Variants in RYR3 observed in about 807,000 individuals in gnomAD.
RYR3 encodes brain ryanodine receptor-calcium release channel.
A neutral mutation model predicts 584.3 loss-of-function variants in RYR3; 207 were observed. That is an observed-to-expected ratio of 0.35 (90% confidence interval 0.32 to 0.40). The LOEUF (loss-of-function observed/expected upper bound fraction) is 0.40, where lower values mean the gene tolerates loss of function less well. Among genes scored for constraint, RYR3 ranks in the 10% least tolerant of loss-of-function variants. RYR3 has a pLI of 1.00. For synonymous variants in RYR3, 2,416 were observed against 2,248.5 expected (o/e 1.07, Z -2.11); for missense variants, 5,616 against 6,089.2 (o/e 0.92, Z 2.59).
At chr15:33,380,557 A>G (rs1436151095) in intron 1 of RYR3, among the ~76,000 whole-genome samples, 1 of 152,234 alleles carries the variant, frequency 6.6e-6, no homozygotes, top group Non-Finnish European at 1.5e-5. Context: ...GGAGAGGGCT[A>G]AATATAGCAA....
At chr15:33,619,830 C>T (rs902680181) in intron 19 of RYR3, among the ~76,000 whole-genome samples, 1 of 152,132 alleles carries the variant, frequency 6.6e-6, no homozygotes, top group African/African-American at 2.4e-5. Context: ...ATAGGCATGT[C>T]TGATGGAGTC....
rs755263496 is a variant in RYR3, at chr15:33,662,583, G to A, written c.5053G>A (p.Glu1685Lys). The change falls in exon 35 of 104, where the codon GAG becomes AAG. Residue 1685 changes from glutamate (E) to lysine (K), a missense_variant. Transcript: ENST00000634891. ...TGAGGATCACCAAAAGCAGAGCCCC[G>A]AGATTCCCTTGGAGAGTCTCAGGAC... ...TGEDHQKQSPEIPLESLRTKA... is the reference protein window; with the variant it reads ...TGEDHQKQSPKIPLESLRTKA... 1.1e-5 allele frequency: 18 copies of A among 1,613,916 alleles called. No individual in the cohort carries two copies. Among genetic ancestry groups the A allele is most frequent in the East Asian group, 2.2e-5 (1 of 44,900 alleles).
At position 33,728,871 on chromosome 15, in the gene RYR3, G is replaced by A; in HGVS notation, c.7048G>A (p.Glu2350Lys). The stretch of plus-strand genomic sequence containing the variant: ...GTGTCTTTCAGATGGGTCGGTCAGT[G>A]AGCCAGATATGGCGGCCAATTTCTG... Reference protein sequence around the residue: ...PSLNKDGSVSEPDMAANFCPD... With the variant: ...PSLNKDGSVSKPDMAANFCPD... Residue 2350 changes from glutamate (E) to lysine (K), a missense_variant, in exon 47 of 104, where the codon GAG becomes AAG. By Grantham distance (56) the Glu-to-Lys change is moderately conservative (BLOSUM62 1). Transcript: ENST00000634891. 6.2e-7 allele frequency: 1 copy of A among 1,611,904 alleles called. No individual in the cohort carries two copies. The highest frequency in any genetic ancestry group is 8.5e-7 in the Non-Finnish European group (1 of 1,179,324).
chr15:33,401,289 C>T (rs1468902818), intron 1 of RYR3, among the ~76,000 whole-genome samples: 2 of 152,214 alleles, frequency 1.3e-5, no homozygotes, highest in African/African-American at 2.4e-5. Context: ...CTTTTAACTT[C>T]TCACAGCTCA....
chr15:33,435,512 A>G (rs924951702), intron 1 of RYR3, among the ~76,000 whole-genome samples: 1 of 152,106 alleles, frequency 6.6e-6, no homozygotes. Flanking sequence ...ACATTCTTAT[A>G]CTTGTGTGAG....
intron 1 of RYR3, among the ~76,000 whole-genome samples, chr15:33,400,652 T>G (rs1457955400): frequency 6.6e-6 from 1 of 152,180 alleles, no homozygotes; most frequent in Non-Finnish European, 1.5e-5. Context: ...ACACGGCAAT[T>G]TTGTAAGGTA....
At chr15:33,799,425 T>C (rs1158275626) in intron 67 of RYR3, among the ~76,000 whole-genome samples, 2 of 149,580 alleles carry the variant, frequency 1.3e-5, no homozygotes, top group Non-Finnish European at 3.0e-5. Context: ...ATCATGCCTA[T>C]ATAATGGAGC....
chr15:33,339,881 T>A (rs1224108576), intron 1 of RYR3, among the ~76,000 whole-genome samples: 2 of 104,946 alleles, frequency 1.9e-5, no homozygotes, highest in Admixed American at 2.1e-4. Flanking sequence ...AGAGCAAGAC[T>A]CCGTCTCAAA....
At position 33,449,914 on chromosome 15, in the gene RYR3, G is replaced by A. The variant is rs11635871; in HGVS notation, c.52-23505G>A. 2.4e-3 allele frequency among the ~76,000 whole-genome samples: 369 copies of A among 152,140 alleles called. 1 individual carries two copies. Among genetic ancestry groups the A allele is most frequent in the Admixed American group, 4.3e-3 (65 of 15,278 alleles). On this transcript the variant is annotated intron_variant, in intron 1 of 103. Coordinates refer to ENST00000634891, the MANE Select transcript of RYR3 (RefSeq NM_001036.6). ...GAGGGGGACAAAGGCAGCCGAGGAAGTAGAATGGGGACTGGATGAGGTGGA... is the reference window on the plus strand; with the variant it reads ...GAGGGGGACAAAGGCAGCCGAGGAAATAGAATGGGGACTGGATGAGGTGGA...
At chr15:33,736,382 AAT>A (rs2069463805) in intron 49 of RYR3, 57 bp downstream of exon 49, 1 of 1,175,872 alleles carries the variant, frequency 8.5e-7, no homozygotes, top group Non-Finnish European at 1.2e-6. Flanking sequence ...CTTGCCTTGT[AAT>A]ATGTGATGTC....
At chr15:33,727,113 T>C (rs1005765704) in intron 46 of RYR3, among the ~76,000 whole-genome samples, 4 of 152,208 alleles carry the variant, frequency 2.6e-5, no homozygotes, top group Non-Finnish European at 4.4e-5. Flanking sequence ...CCAGCTTGTG[T>C]AGGCAGTTGG....
At chr15:33,341,189 C>A (rs547468003) in intron 1 of RYR3, among the ~76,000 whole-genome samples, 1 of 152,128 alleles carries the variant, frequency 6.6e-6, no homozygotes, top group Non-Finnish European at 1.5e-5. Context: ...CAGGTGCGCC[C>A]CACTGCACCC....
intron 60 of RYR3, among the ~76,000 whole-genome samples, chr15:33,767,737 A>G (rs1332524164): frequency 6.6e-6 from 1 of 151,986 alleles, no homozygotes; most frequent in Non-Finnish European, 1.5e-5. Flanking sequence ...CCCTCTTTCT[A>G]TTCCACTGCT....
intron 45 of RYR3, among the ~76,000 whole-genome samples, chr15:33,725,114 C>T (rs2068250554): frequency 1.3e-5 from 2 of 150,920 alleles, no homozygotes; most frequent in African/African-American, 4.9e-5. Context: ...TCTGCGGTGC[C>T]CCATTCTTCC....
Position 33,854,419 on chromosome 15 carries a change from C to T in RYR3, c.13830C>T (p.Ile4610=), listed in dbSNP as rs1332230663. 6.3e-7 allele frequency: 1 copy of T among 1,576,280 alleles called. No homozygotes were observed. The highest frequency in any genetic ancestry group is 1.4e-5 in the African/African-American group (1 of 73,936). The change falls in exon 97 of 104, where the codon ATC becomes ATT. Residue 4610 remains isoleucine (I), a synonymous_variant. Coordinates refer to ENST00000634891, the MANE Select transcript of RYR3 (RefSeq NM_001036.6). The part of the protein sequence containing the change: ...WLSSIDMKYH[I]WKLGVVFTDN... ...GTTCCATAGACATGAAGTACCATAT[C>T]TGGAAGCTTGGAGTTGTTTTTACTG...
At chr15:33,552,661 T>C (rs1286130296) in intron 10 of RYR3, among the ~76,000 whole-genome samples, 5 of 152,232 alleles carry the variant, frequency 3.3e-5, no homozygotes, top group African/African-American at 1.2e-4. Context: ...TATGGCTGTG[T>C]TCCCACTGGA....
chr15:33,862,510 ATCTT>A (rs1315695111), intron 102 of RYR3, among the ~76,000 whole-genome samples: 2 of 152,216 alleles, frequency 1.3e-5, no homozygotes, highest in African/African-American at 4.8e-5. Flanking sequence ...CTGAGCCCTC[ATCTT>A]TCTTTAGGCT....
At chr15:33,659,657 G>A in intron 32 of RYR3, 63 bp from the exon 33 acceptor site, 2 of 1,080,828 alleles carry the variant, frequency 1.9e-6, no homozygotes, top group Non-Finnish European at 2.8e-6. Flanking sequence ...ACACCCAATG[G>A]CTGAGCCAGC....
chr15:33,592,700 C>A (rs570028178), intron 16 of RYR3, among the ~76,000 whole-genome samples: 110 of 152,346 alleles, frequency 7.2e-4, no homozygotes, highest in African/African-American at 2.4e-3. Flanking sequence ...TACCCCCTGT[C>A]AGTCAGAAAG....
Sources: allele counts gnomAD v4.1 joint callset (sites outside exome capture counted in the v4.1 genomes callset), GRCh38; gene constraint gnomAD v4.1.1; transcripts MANE v1.5; gene names NCBI Gene and HGNC (gene_info 2026-07-23, HGNC 2026-07-21).